DHRSX: variants seen among roughly 807,000 people sequenced by gnomAD.
DHRSX encodes polyprenol dehydrogenase.
A neutral mutation model predicts 34.0 loss-of-function variants in DHRSX; 31 were observed. The ratio of observed to expected loss-of-function variants is 0.91; its 90% CI spans 0.69 to 1.23. The LOEUF (loss-of-function observed/expected upper bound fraction) is 1.23, where lower values mean the gene tolerates loss of function less well. Among genes scored for constraint, DHRSX ranks in the 50% most tolerant of loss-of-function variants. DHRSX has a pLI of 0.00. For missense variants in DHRSX, 414 were observed against 428.1 expected, an observed-to-expected ratio of 0.97 and a Z score of 0.29; for synonymous variants, 201 against 183.8, an observed-to-expected ratio of 1.09 and a Z score of -0.76.
chrX:2,336,832 A>AAGAT (rs977643568), intron 3 of DHRSX, among the ~76,000 whole-genome samples: 1 of 103,344 alleles, frequency 9.7e-6, no homozygotes, highest in African/African-American at 3.4e-5. Flanking sequence ...CAGCAGCCCT[A>AAGAT]AGATAGATAG....
At chrX:2,269,839 CGTGT>C (rs1377178401) in intron 4 of DHRSX, among the ~76,000 whole-genome samples, 2 of 151,918 alleles carry the variant, frequency 1.3e-5, no homozygotes, top group South Asian at 4.2e-4. Flanking sequence ...TGCACCCGGC[CGTGT>C]GTGTATTTTA....
At chrX:2,450,011 C>T (rs2044194436) in intron 1 of DHRSX, among the ~76,000 whole-genome samples, 2 of 151,980 alleles carry the variant, frequency 1.3e-5, no homozygotes, top group Non-Finnish European at 2.9e-5. Context: ...ACACAGATTA[C>T]CGAATTACAC....
intron 3 of DHRSX, among the ~76,000 whole-genome samples, chrX:2,310,579 GGAGA>G (rs745875927): frequency 6.8e-6 from 1 of 148,056 alleles, no homozygotes; most frequent in South Asian, 2.2e-4. Context: ...AGAGAGAGAG[GGAGA>G]GAGAGAGAAA....
intron 1 of DHRSX, among the ~76,000 whole-genome samples, chrX:2,460,382 G>A (rs1189958969): frequency 2.0e-5 from 3 of 152,052 alleles, no homozygotes; most frequent in Admixed American, 6.6e-5. Context: ...GAACGTTCTG[G>A]GGGACACTGA....
intron 4 of DHRSX, among the ~76,000 whole-genome samples, chrX:2,290,793 A>G (rs1336951903): frequency 6.6e-6 from 1 of 152,200 alleles, no homozygotes; most frequent in Admixed American, 6.6e-5. Flanking sequence ...GGAGATGTCA[A>G]TAACTGTACC....
chrX:2,336,528 G>C (rs756104309), intron 3 of DHRSX: 3 of 152,150 alleles, frequency 2.0e-5, no homozygotes, highest in African/African-American at 7.2e-5. Context: ...ATCAGTACTG[G>C]GGTATCCTGT....
intron 3 of DHRSX, among the ~76,000 whole-genome samples, chrX:2,312,584 GA>G (rs1387555842): frequency 2.0e-5 from 3 of 152,058 alleles, no homozygotes; most frequent in African/African-American, 7.2e-5. Flanking sequence ...GGGACTGGGG[GA>G]CTAGGGGAGG....
intron 3 of DHRSX, among the ~76,000 whole-genome samples, chrX:2,354,706 C>A (rs1048172013): frequency 6.6e-6 from 1 of 152,052 alleles, no homozygotes; most frequent in East Asian, 1.9e-4. Flanking sequence ...GTGGTCTGCC[C>A]GCCTCAGCCT....
At chrX:2,474,263 G>A (rs1194701822) in intron 1 of DHRSX, among the ~76,000 whole-genome samples, 1 of 152,090 alleles carries the variant, frequency 6.6e-6, no homozygotes, top group East Asian at 1.9e-4. Context: ...AAAGCATGTG[G>A]CCAAGGGACC....
intron 4 of DHRSX, among the ~76,000 whole-genome samples, chrX:2,282,602 G>A (rs1415174298): frequency 7.0e-6 from 1 of 142,494 alleles, no homozygotes; most frequent in African/African-American, 2.7e-5. Context: ...AAAGAGGGGA[G>A]AGAGAAGAAA....
intron 3 of DHRSX, among the ~76,000 whole-genome samples, chrX:2,389,325 C>T (rs751677648): frequency 6.6e-6 from 1 of 152,236 alleles, no homozygotes; most frequent in Admixed American, 6.5e-5. Context: ...CAGAAATCTC[C>T]CTTCTGAAAG....
intron 6 of DHRSX, among the ~76,000 whole-genome samples, chrX:2,230,394 C>G (rs766220862): frequency 5.3e-5 from 8 of 152,238 alleles, no homozygotes; most frequent in African/African-American, 1.9e-4. Context: ...GACACACACA[C>G]AAACCTGCTC....
intron 3 of DHRSX, among the ~76,000 whole-genome samples, chrX:2,358,405 C>G (rs6642127): frequency 6.6e-6 from 1 of 152,100 alleles, no homozygotes; most frequent in Non-Finnish European, 1.5e-5. Context: ...AAAGAAGATA[C>G]ACATGCAGCT....
Position 2,282,823 on chromosome X carries a change from GGA to G in DHRSX, c.388+8677_388+8678del, listed in dbSNP as rs1432857240. Among the ~76,000 whole-genome samples the G allele has an allele frequency of 1.7e-3, 176 of 104,522 alleles. 3 individuals are homozygous for G. The highest frequency in any genetic ancestry group is 6.1e-3 in the African/African-American group (157 of 25,708). 68.6% of individuals were successfully genotyped at this position (104,522 alleles called of 152,430 possible). The stretch of plus-strand genomic sequence containing the variant: ...AGAGAGAAGAGAGAAAGAGAGAGAG[GGA>G]GAGAGAGGGAGAAAGGGAGAGAGAG... On this transcript the variant is annotated intron_variant, in intron 4 of 6. Transcript: ENST00000334651.
At position 2,452,082 on chromosome X, in the gene DHRSX, C is replaced by T. The variant is rs112011178; in HGVS notation, c.110-26778G>A. Among the ~76,000 whole-genome samples, 1,234 of 151,586 alleles carry T rather than the reference C, an allele frequency of 8.1e-3. 11 individuals carry two copies. Among genetic ancestry groups the T allele is most frequent in the Middle Eastern group, 0.034 (10 of 292 alleles). ...TTCACTAAGCAGGTGACTAAGGGAT[C>T]GCCGCCATGTACTCACTGAAGACGT... On this transcript the variant is annotated intron_variant, in intron 1 of 6. Coordinates refer to ENST00000334651, the MANE Select transcript of DHRSX (RefSeq NM_145177.3).
At chrX:2,394,096 C>T (rs7392242) in intron 3 of DHRSX, among the ~76,000 whole-genome samples, 107,227 of 152,090 alleles carry the variant, frequency 0.71, 38,453 homozygotes, top group Admixed American at 0.75. Context: ...TTGGCAGATG[C>T]AGGGGGAACC....
At chrX:2,263,672 C>T (rs1239085345) in intron 5 of DHRSX, among the ~76,000 whole-genome samples, 1 of 151,952 alleles carries the variant, frequency 6.6e-6, no homozygotes, top group East Asian at 1.9e-4. Flanking sequence ...CACCACCACG[C>T]CTGGCTAATT....
intron 3 of DHRSX, among the ~76,000 whole-genome samples, chrX:2,370,804 T>C (rs773239311): frequency 1.3e-5 from 2 of 152,216 alleles, no homozygotes; most frequent in South Asian, 2.1e-4. Context: ...CCCGGGATGT[T>C]GGGCCAGCCT....
intron 3 of DHRSX, among the ~76,000 whole-genome samples, chrX:2,348,133 G>T (rs1292116085): frequency 4.6e-5 from 7 of 152,158 alleles, no homozygotes. Flanking sequence ...AAGACAGTGT[G>T]TTAGTATTAT....
Sources: allele counts gnomAD v4.1 joint callset (sites outside exome capture counted in the v4.1 genomes callset), GRCh38; gene constraint gnomAD v4.1.1; transcripts MANE v1.5; gene names NCBI Gene and HGNC (gene_info 2026-07-23, HGNC 2026-07-21).